Variants in LRP1B observed in about 807,000 individuals in gnomAD.
LRP1B encodes low-density lipoprotein receptor-related protein 1B.
Under a neutral mutation model 556.6 loss-of-function variants are expected in LRP1B, and 217 were observed. The observed-to-expected ratio is 0.39, with a 90% CI of 0.35 to 0.44. The LOEUF (loss-of-function observed/expected upper bound fraction) is 0.44, where lower values mean the gene tolerates loss of function less well. Ranked by LOEUF, LRP1B falls within the 20% of genes least tolerant of loss-of-function variation. The pLI is 1.00. For missense variants in LRP1B, 5,053 were observed against 5,620.8 expected, an observed-to-expected ratio of 0.90 and a Z score of 3.23; for synonymous variants, 2,047 against 1,865.8, an observed-to-expected ratio of 1.10 and a Z score of -2.50.
intron 3 of LRP1B, among the ~76,000 whole-genome samples, chr2:141,369,592 T>C (rs958044311): frequency 6.6e-5 from 10 of 152,202 alleles, no homozygotes; most frequent in Non-Finnish European, 1.5e-4. Context: ...ACCATTATTA[T>C]CATCATGATC....
intron 1 of LRP1B, among the ~76,000 whole-genome samples, chr2:142,011,606 G>A (rs2105156487): frequency 6.6e-6 from 1 of 152,140 alleles, no homozygotes; most frequent in East Asian, 1.9e-4. Context: ...ATAGTTTAAA[G>A]GCCTGATGTT....
intron 1 of LRP1B, among the ~76,000 whole-genome samples, chr2:141,890,329 T>TATACATATATATATAC (rs1553480459): frequency 8.4e-6 from 1 of 118,762 alleles, no homozygotes. Context: ...AATACATATA[T>TATACATATATATATAC]ATATATATAT....
intron 3 of LRP1B, among the ~76,000 whole-genome samples, chr2:141,396,803 G>A (rs532492055): frequency 6.6e-6 from 1 of 152,094 alleles, no homozygotes; most frequent in South Asian, 2.1e-4. Context: ...AAATGTAGAA[G>A]ATACACAGAC....
At chr2:141,919,863 A>C (rs1009507990) in intron 1 of LRP1B, among the ~76,000 whole-genome samples, 3 of 152,068 alleles carry the variant, frequency 2.0e-5, no homozygotes, top group Non-Finnish European at 4.4e-5. Context: ...TTTGATTATG[A>C]AATAGATCTT....
chr2:141,665,885 A>G (rs1293151395), intron 2 of LRP1B, among the ~76,000 whole-genome samples: 1 of 152,046 alleles, frequency 6.6e-6, no homozygotes, highest in Non-Finnish European at 1.5e-5. Context: ...GCATGTTCTC[A>G]CTTATAAGTG....
chr2:142,118,106 G>T (rs1003191416), intron 1 of LRP1B, among the ~76,000 whole-genome samples: 1 of 152,004 alleles, frequency 6.6e-6, no homozygotes, highest in African/African-American at 2.4e-5. Context: ...GAAGAAAAAG[G>T]GCAGGATTCC....
intron 1 of LRP1B, among the ~76,000 whole-genome samples, chr2:141,848,159 T>G (rs1474643560): frequency 1.3e-5 from 2 of 151,550 alleles, no homozygotes; most frequent in Non-Finnish European, 3.0e-5. Flanking sequence ...TAAATACCAA[T>G]TGTTTATGAT....
At chr2:141,109,763 G>A (rs1700702065) in intron 7 of LRP1B, among the ~76,000 whole-genome samples, 1 of 152,146 alleles carries the variant, frequency 6.6e-6, no homozygotes, top group Non-Finnish European at 1.5e-5. Flanking sequence ...TAAGCAGAAG[G>A]CTAAGGGAAG....
chr2:140,853,333 A>T (rs1692517902), intron 27 of LRP1B, among the ~76,000 whole-genome samples: 2 of 152,172 alleles, frequency 1.3e-5, no homozygotes, highest in Non-Finnish European at 2.9e-5. Context: ...ACCTCCTAGC[A>T]TAAAACTACC....
intron 6 of LRP1B, chr2:141,208,306 C>T (rs1378912159): frequency 6.6e-6 from 1 of 152,222 alleles, no homozygotes; most frequent in South Asian, 2.1e-4. Context: ...GCTTGTGTTG[C>T]AGGGTACATG....
chr2:140,347,870 G>A (rs977821344), intron 77 of LRP1B, among the ~76,000 whole-genome samples: 3 of 151,972 alleles, frequency 2.0e-5, no homozygotes, highest in African/African-American at 7.2e-5. Context: ...AAACTTAGAA[G>A]ATGAATTAGA....
intron 25 of LRP1B, among the ~76,000 whole-genome samples, chr2:140,875,788 G>T (rs541302428): frequency 2.0e-4 from 30 of 152,204 alleles, no homozygotes; most frequent in African/African-American, 7.2e-4. Flanking sequence ...TCTTTGGGCT[G>T]TATTTGTATA....
At chr2:140,990,578 A>T (rs918566712) in intron 16 of LRP1B, among the ~76,000 whole-genome samples, 6 of 151,840 alleles carry the variant, frequency 4.0e-5, no homozygotes, top group African/African-American at 1.5e-4. Flanking sequence ...AAAAATCATC[A>T]TGAGTTTTCT....
intron 41 of LRP1B, among the ~76,000 whole-genome samples, chr2:140,627,143 T>A (rs1463312527): frequency 6.6e-6 from 1 of 152,126 alleles, no homozygotes; most frequent in Non-Finnish European, 1.5e-5. Flanking sequence ...AATGAGGATA[T>A]GGGTGGCAAG....
At chr2:141,432,885 T>C (rs942730191) in intron 3 of LRP1B, among the ~76,000 whole-genome samples, 1 of 152,042 alleles carries the variant, frequency 6.6e-6, no homozygotes, top group Non-Finnish European at 1.5e-5. Context: ...CTCTCTCTTT[T>C]TCATTAATTT....
chr2:140,284,620 CTT>C (rs1007276079), intron 84 of LRP1B, among the ~76,000 whole-genome samples: 12 of 151,508 alleles, frequency 7.9e-5, no homozygotes, highest in Admixed American at 3.3e-4. Context: ...CTTTCTATCT[CTT>C]TTATATCCTT....
At chr2:142,082,372 AC>A (rs1705751050) in intron 1 of LRP1B, among the ~76,000 whole-genome samples, 1 of 152,208 alleles carries the variant, frequency 6.6e-6, no homozygotes, top group Non-Finnish European at 1.5e-5. Context: ...ATTAGAAAAG[AC>A]CACCAAATAT....
intron 7 of LRP1B, among the ~76,000 whole-genome samples, chr2:141,089,259 C>G (rs917023961): frequency 6.6e-6 from 1 of 152,158 alleles, no homozygotes; most frequent in African/African-American, 2.4e-5. Context: ...GATTTCAATT[C>G]TTCTCTCTCA....
chr2:142,045,468 A>G (rs1704224465), intron 1 of LRP1B, among the ~76,000 whole-genome samples: 1 of 151,884 alleles, frequency 6.6e-6, no homozygotes, highest in Non-Finnish European at 1.5e-5. Context: ...ATTAGCACTT[A>G]TAGTCAGAGT....
Sources: allele counts gnomAD v4.1 joint callset (sites outside exome capture counted in the v4.1 genomes callset), GRCh38; gene constraint gnomAD v4.1.1; transcripts MANE v1.5; gene names NCBI Gene and HGNC (gene_info 2026-07-23, HGNC 2026-07-21).